Variants in RYR3 observed in about 807,000 individuals in gnomAD.
The protein encoded by RYR3 is brain ryanodine receptor-calcium release channel.
Under a neutral mutation model 584.3 loss-of-function variants are expected in RYR3, and 207 were observed. The observed-to-expected ratio is 0.35, with a 90% CI of 0.32 to 0.40. The LOEUF is 0.40. RYR3 is among the 10% of genes least tolerant of loss of function. The probability of loss-of-function intolerance (pLI) is 1.00; values close to 1 mark genes in which losing one functional copy is unlikely to be tolerated. For synonymous variants in RYR3, 2,416 were observed against 2,248.5 expected (o/e 1.07, Z -2.11); for missense variants, 5,616 against 6,089.2 (o/e 0.92, Z 2.59).
chr15:33,579,943 G>C, intron 12 of RYR3, 33 bp from the exon 13 acceptor site: 1 of 1,568,934 alleles, frequency 6.4e-7, no homozygotes, highest in Non-Finnish European at 8.7e-7. Context: ...CTGCTGGCCA[G>C]TGCCTAAACC....
Position 33,696,369 on chromosome 15 carries a change from C to T in RYR3, c.6012C>T (p.Tyr2004=), listed in dbSNP as rs1596205047. ...GELLQALRKT[Y]TISHTSVSDT... ...TGCTGCAGGCGCTGCGGAAGACCTA[C>T]ACCATCAGCCACACCTCTGTAAGCG... The change falls in exon 39 of 104, where the codon TAC becomes TAT. Residue 2004 remains tyrosine, a synonymous_variant. Coordinates refer to ENST00000634891, the MANE Select transcript of RYR3 (RefSeq NM_001036.6). 6.2e-7 allele frequency: 1 copy of T among 1,613,956 alleles called. No individual in the cohort carries two copies. Among genetic ancestry groups the T allele is most frequent in the East Asian group, 2.2e-5 (1 of 44,866 alleles).
chr15:33,848,222 C>G, intron 93 of RYR3, 69 bp from the exon 94 acceptor site: 2 of 1,590,674 alleles, frequency 1.3e-6, no homozygotes, highest in Non-Finnish European at 1.7e-6. Flanking sequence ...TAATTTGTGA[C>G]AAATACCTGG....
chr15:33,335,904 CA>C (rs1970909182), intron 1 of RYR3, among the ~76,000 whole-genome samples: 1 of 151,934 alleles, frequency 6.6e-6, no homozygotes. Flanking sequence ...AACCATCTAA[CA>C]TAAGATCTTA....
chr15:33,813,882 T>C, intron 74 of RYR3: 1 of 231,976 alleles, frequency 4.3e-6, no homozygotes. Flanking sequence ...TTGGTTAGCA[T>C]GTAAAGACTT....
chr15:33,319,119 A>G (rs1236638410), intron 1 of RYR3, among the ~76,000 whole-genome samples: 1 of 152,170 alleles, frequency 6.6e-6, no homozygotes, highest in Admixed American at 6.5e-5. Context: ...GAGTTCTCTA[A>G]TGGGGCTGGG....
chr15:33,387,137 G>T (rs1267275376), intron 1 of RYR3, among the ~76,000 whole-genome samples: 2 of 152,156 alleles, frequency 1.3e-5, no homozygotes, highest in Non-Finnish European at 2.9e-5. Context: ...GATTACAGTC[G>T]TGAGACACCA....
intron 1 of RYR3, among the ~76,000 whole-genome samples, chr15:33,323,673 G>C (rs1484673442): frequency 6.6e-6 from 1 of 152,218 alleles, no homozygotes; most frequent in Non-Finnish European, 1.5e-5. Flanking sequence ...ACCTGTGGGT[G>C]TGCATGCATT....
intron 36 of RYR3, among the ~76,000 whole-genome samples, chr15:33,666,044 A>T (rs1473165284): frequency 6.6e-6 from 1 of 152,156 alleles, no homozygotes; most frequent in Non-Finnish European, 1.5e-5. Context: ...TCACTCTGTC[A>T]TGCAGGCTGG....
rs982440028 is a variant in RYR3 at position 33,837,874 on chromosome 15, G to C, written c.11894G>C (p.Cys3965Ser). The C allele has an allele frequency of 5.6e-6, 9 of 1,614,036 alleles. No individual in the cohort carries two copies. The Admixed American group carries it at 8.3e-5, about 15-fold the overall frequency. Residue 3965 changes from cysteine to serine, a missense_variant, in exon 89 of 104, where the codon TGT (cysteine) becomes TCT (serine). Around this residue, in one of 9 missense-constraint regions of RYR3, gnomAD observed 258 missense variants for 297.3 expected, o/e 0.87. Transcript: ENST00000634891. ...TQSEIDFLLS[C>S]AEADENDMFN... is the part of the protein sequence containing the mutation. Reference sequence around the variant, plus strand: ...TCAGAGATTGACTTTCTCCTGTCGTGTGCAGAAGCTGATGAGAATGACATG... The same window carrying C: ...TCAGAGATTGACTTTCTCCTGTCGTCTGCAGAAGCTGATGAGAATGACATG...
At chr15:33,438,825 A>G (rs1381306114) in intron 1 of RYR3, among the ~76,000 whole-genome samples, 1 of 152,230 alleles carries the variant, frequency 6.6e-6, no homozygotes, top group Non-Finnish European at 1.5e-5. Context: ...TCTATTGCAC[A>G]TTATTATTTA....
intron 14 of RYR3, 89 bp downstream of exon 14, chr15:33,581,732 C>A: frequency 3.5e-6 from 4 of 1,153,404 alleles, no homozygotes; most frequent in South Asian, 2.7e-5. Context: ...TTGCCATTAA[C>A]CCTGTGATAC....
At chr15:33,650,205 C>T (rs1056770696) in intron 31 of RYR3, among the ~76,000 whole-genome samples, 2 of 152,116 alleles carry the variant, frequency 1.3e-5, no homozygotes, top group Admixed American at 6.5e-5. Flanking sequence ...GGTGAAACCC[C>T]GTCTCTACTA....
rs2141500478 is a variant in RYR3 at position 33,412,579 on chromosome 15, G to A, written c.52-60840G>A. ...CCCCACGGTTTCTCTTCTGGGTCTA[G>A]GGTTTGTCACCAGGCCCAGAAATAT... On this transcript the variant is annotated intron_variant, in intron 1 of 103. Transcript: ENST00000634891. The surrounding 1 kb of genome is among the most constrained non-coding windows in gnomAD (Gnocchi z 4.3). Among the ~76,000 whole-genome samples, 1 of 152,236 alleles carries A rather than the reference G, an allele frequency of 6.6e-6. No homozygotes were observed. The highest frequency in any genetic ancestry group is 2.1e-4 in the South Asian group (1 of 4,816).
At chr15:33,415,282 A>G (rs1213044706) in intron 1 of RYR3, among the ~76,000 whole-genome samples, 1 of 152,240 alleles carries the variant, frequency 6.6e-6, no homozygotes. Flanking sequence ...AGTTAAAATT[A>G]CATACGTGTC....
At chr15:33,809,581 T>C (rs1403532521) in intron 70 of RYR3, among the ~76,000 whole-genome samples, 1 of 151,186 alleles carries the variant, frequency 6.6e-6, no homozygotes, top group Non-Finnish European at 1.5e-5. Flanking sequence ...TGCTATTGTG[T>C]CATAGCCCAG....
chr15:33,461,950 A>T (rs1461136362), intron 1 of RYR3, among the ~76,000 whole-genome samples: 2 of 152,180 alleles, frequency 1.3e-5, no homozygotes, highest in Non-Finnish European at 2.9e-5. Flanking sequence ...CCATAAAACA[A>T]ATATTTCCTG....
intron 103 of RYR3, 71 bp downstream of exon 103, chr15:33,864,260 G>C (rs1345820943): frequency 2.4e-6 from 3 of 1,226,454 alleles, no homozygotes; most frequent in East Asian, 2.4e-5. Context: ...GTAGGGCATA[G>C]GTTATCTGAA....
chr15:33,669,859 T>TGG (rs1566919857), intron 37 of RYR3, among the ~76,000 whole-genome samples: 27 of 29,218 alleles, frequency 9.2e-4, no homozygotes, highest in East Asian at 3.1e-3. Context: ...GGGGGGGGGG[T>TGG]GTGGGTGTGT....
chr15:33,443,086 C>A (rs2046357749), intron 1 of RYR3, among the ~76,000 whole-genome samples: 1 of 152,022 alleles, frequency 6.6e-6, no homozygotes. Flanking sequence ...TGGTGAAACC[C>A]TTGTTTCTAC....
Sources: gnomAD v4.1 joint callset for allele counts (sites outside exome capture counted in the v4.1 genomes callset) on GRCh38, gnomAD v4.1.1 for gene constraint, gnomAD v4.1.1 regional missense constraint, Gnocchi (gnomAD v3.1) non-coding constraint, MANE v1.5 for transcripts, NCBI Gene and HGNC (gene_info 2026-07-23, HGNC 2026-07-21) for gene names.